NBEA: variants seen among roughly 807,000 people sequenced by gnomAD.
The protein encoded by NBEA is neurobeachin.
A neutral mutation model predicts 343.4 loss-of-function variants in NBEA; 44 were observed. That is an observed-to-expected ratio of 0.13 (90% CI 0.10 to 0.16). NBEA has a LOEUF of 0.16. Ranked by LOEUF, NBEA falls within the 10% of genes least tolerant of loss-of-function variation. The pLI, the probability that NBEA is intolerant of heterozygous loss-of-function variation, is 1.00. For synonymous variants in NBEA, 1,175 were observed against 1,238.7 expected, an observed-to-expected ratio of 0.95 and a Z score of 1.08; for missense variants, 2,555 against 3,631.3, an observed-to-expected ratio of 0.70 and a Z score of 7.62.
intron 45 of NBEA, among the ~76,000 whole-genome samples, chr13:35,574,443 C>G (rs1421730621): frequency 6.6e-6 from 1 of 150,476 alleles, no homozygotes; most frequent in Non-Finnish European, 1.5e-5. Context: ...AAAACTCTCC[C>G]TATTATCCAG....
At chr13:35,242,218 G>T (rs2030423803) in intron 34 of NBEA, among the ~76,000 whole-genome samples, 1 of 151,758 alleles carries the variant, frequency 6.6e-6, no homozygotes, top group Non-Finnish European at 1.5e-5. Context: ...TGAACCTAAA[G>T]AAATTATTTA....
rs2075368131 is a variant in NBEA, at chr13:35,239,113, G to T, written c.5776+6494G>T. Among the ~76,000 whole-genome samples the T allele has an allele frequency of 5.3e-5, 8 of 152,120 alleles. No homozygotes were observed. In the South Asian group the frequency reaches 1.7e-3, roughly 32 times the overall value. On this transcript the variant is annotated intron_variant, in intron 34 of 58. Transcript: ENST00000379939. ...AAAATTGGGTAAATGGAAAATGCTG[G>T]CATAATTTTTAAATATTCCTGATTT...
chr13:35,557,895 G>A (rs187747662), intron 44 of NBEA, among the ~76,000 whole-genome samples: 2 of 152,268 alleles, frequency 1.3e-5, no homozygotes, highest in East Asian at 3.9e-4. Flanking sequence ...GGTGTATTCA[G>A]TGGACAGAAT....
intron 12 of NBEA, among the ~76,000 whole-genome samples, chr13:35,109,728 A>G (rs1460089153): frequency 6.6e-6 from 1 of 152,172 alleles, no homozygotes; most frequent in African/African-American, 2.4e-5. Context: ...TTGAAAGACT[A>G]GGAAAGAGAA....
chr13:35,188,667 T>C (rs1010628475), intron 30 of NBEA, among the ~76,000 whole-genome samples: 13 of 152,158 alleles, frequency 8.5e-5, no homozygotes, highest in Non-Finnish European at 1.5e-4. Flanking sequence ...TTTTGACTAT[T>C]GTGAATAATG....
intron 34 of NBEA, 130 bp downstream of exon 34, chr13:35,232,749 G>A (rs893161616): frequency 5.9e-6 from 4 of 676,530 alleles, no homozygotes; most frequent in African/African-American, 5.7e-5. Context: ...ATTCTAATAA[G>A]ATATTCAATA....
At chr13:35,190,301 A>G (rs1203659307) in intron 30 of NBEA, among the ~76,000 whole-genome samples, 1 of 152,104 alleles carries the variant, frequency 6.6e-6, no homozygotes, top group African/African-American at 2.4e-5. Flanking sequence ...GCTTAAACAG[A>G]TGTGAGAATG....
At chr13:35,092,508 A>G (rs575566211) in intron 10 of NBEA, among the ~76,000 whole-genome samples, 26 of 152,028 alleles carry the variant, frequency 1.7e-4, no homozygotes, top group Non-Finnish European at 2.9e-4. Flanking sequence ...AAGGACTTTC[A>G]GTCCTTAACA....
intron 38 of NBEA, among the ~76,000 whole-genome samples, chr13:35,418,010 C>G (rs889036766): frequency 1.3e-5 from 2 of 152,070 alleles, no homozygotes; most frequent in African/African-American, 2.4e-5. Flanking sequence ...TTCTTTGTCT[C>G]TTTTGATCTT....
chr13:35,026,274 CTCTTT>C (rs954860966), intron 1 of NBEA, among the ~76,000 whole-genome samples: 1 of 152,098 alleles, frequency 6.6e-6, no homozygotes, highest in Non-Finnish European at 1.5e-5. Flanking sequence ...TCAATTAAAC[CTCTTT>C]TCTTTATAAA....
chr13:35,047,569 G>A (rs2062907445), intron 4 of NBEA, among the ~76,000 whole-genome samples: 1 of 151,824 alleles, frequency 6.6e-6, no homozygotes, highest in Non-Finnish European at 1.5e-5. Flanking sequence ...GCAACATGAT[G>A]TATAGGAAGA....
chr13:35,057,457 G>A (rs74051229), intron 7 of NBEA, among the ~76,000 whole-genome samples: 5,506 of 152,026 alleles, frequency 0.036, 150 homozygotes, highest in South Asian at 0.074. Flanking sequence ...TTTAAGAGAC[G>A]CAAACAAAAT....
At chr13:35,358,685 T>C in intron 38 of NBEA, among the ~76,000 whole-genome samples, 1 of 151,604 alleles carries the variant, frequency 6.6e-6, no homozygotes, top group East Asian at 2.0e-4. Flanking sequence ...GCCAGTGCAC[T>C]CCAGCCTGGG....
chr13:34,991,584 C>T (rs1176404798), intron 1 of NBEA, among the ~76,000 whole-genome samples: 6 of 152,120 alleles, frequency 3.9e-5, no homozygotes, highest in South Asian at 2.1e-4. Flanking sequence ...CCTCCAACAC[C>T]GAGGATTACA....
At chr13:35,178,692 A>G (rs2071088969) in intron 28 of NBEA, among the ~76,000 whole-genome samples, 1 of 151,566 alleles carries the variant, frequency 6.6e-6, no homozygotes. Flanking sequence ...ATTTTTTATA[A>G]TAAACCTATA....
At chr13:35,312,050 T>C (rs183462806) in intron 36 of NBEA, among the ~76,000 whole-genome samples, 7 of 152,294 alleles carry the variant, frequency 4.6e-5, no homozygotes, top group Admixed American at 2.0e-4. Context: ...GTGCAGCAAA[T>C]GTCTGTTCAA....
intron 13 of NBEA, among the ~76,000 whole-genome samples, chr13:35,112,324 A>AT (rs2066258365): frequency 6.6e-6 from 1 of 151,656 alleles, no homozygotes; most frequent in African/African-American, 2.4e-5. Context: ...AATTTATTGG[A>AT]TTTTTCTGCC....
chr13:35,302,427 A>G (rs2036616520), intron 35 of NBEA, among the ~76,000 whole-genome samples: 2 of 152,206 alleles, frequency 1.3e-5, no homozygotes, highest in Non-Finnish European at 2.9e-5. Context: ...GACTTGGTAA[A>G]TTGAAATTAT....
rs558621892 is a variant in NBEA, at chr13:35,664,936, C to T, written c.8363-149C>T. The T allele has an allele frequency of 8.1e-4, 486 of 603,498 alleles. 1 individual carries two copies. Among genetic ancestry groups the T allele is most frequent in the Non-Finnish European group, 1.3e-3 (450 of 336,268 alleles). The allele number at this position is 603,498 out of a possible 1,614,324, so 37.4% of individuals were successfully genotyped here. On this transcript the variant is annotated intron_variant, in intron 55 of 58. Transcript: ENST00000379939. Reference sequence around the variant, plus strand: ...ATGCGCATTTCACAAAAGAGGAGAGCAGAGAGGTTAAGTAACTGGCTCATG... The same window carrying T: ...ATGCGCATTTCACAAAAGAGGAGAGTAGAGAGGTTAAGTAACTGGCTCATG...
Sources: allele counts gnomAD v4.1 joint callset (sites outside exome capture counted in the v4.1 genomes callset), GRCh38; gene constraint gnomAD v4.1.1; transcripts MANE v1.5; gene names NCBI Gene and HGNC (gene_info 2026-07-23, HGNC 2026-07-21).